The following ABCD2 variants were observed in gnomAD, a reference collection of about 807,000 sequenced individuals.
The protein encoded by ABCD2 is ATP binding cassette subfamily D member 2, also known as ATP-binding cassette sub-family D member 2.
ABCD2 carries 36 observed loss-of-function variants against 70.9 expected under a neutral mutation model. The observed-to-expected ratio is 0.51, with a 90% CI of 0.39 to 0.67. The LOEUF (loss-of-function observed/expected upper bound fraction) is 0.67. Among genes scored for constraint, ABCD2 ranks in the 30% least tolerant of loss-of-function variants. The pLI is 0.00. For synonymous variants in ABCD2, 304 were observed against 306.9 expected (o/e 0.99, Z 0.10); for missense variants, 729 against 890.2 (o/e 0.82, Z 2.30).
intron 2 of ABCD2, among the ~76,000 whole-genome samples, chr12:39,611,303 G>T (rs1305837626): frequency 6.6e-6 from 1 of 152,090 alleles, no homozygotes; most frequent in Non-Finnish European, 1.5e-5. Flanking sequence ...CAAGATATAA[G>T]GCATAGGGGA....
At chr12:39,600,806 C>T (rs187516840) in intron 5 of ABCD2, 90 bp from the exon 6 acceptor site, 865 of 1,211,492 alleles carry the variant, frequency 7.1e-4, no homozygotes, top group Admixed American at 2.5e-3. Context: ...TTAAAATGTT[C>T]GAAAACATGA....
At chr12:39,566,858 A>G (rs1941357742) in intron 9 of ABCD2, among the ~76,000 whole-genome samples, 3 of 152,150 alleles carry the variant, frequency 2.0e-5, no homozygotes, top group Admixed American at 2.0e-4. Flanking sequence ...TTCAAAGAAT[A>G]TCTTTATTTC....
At position 39,563,733 on chromosome 12, in the gene ABCD2, A is replaced by G. The variant is rs142862799; in HGVS notation, c.2004-9602T>C. Among the ~76,000 whole-genome samples the G allele has an allele frequency of 4.8e-4, 73 of 152,210 alleles. No homozygotes were observed. The East Asian group carries it at 9.6e-3, about 20-fold the overall frequency. On this transcript the variant is annotated intron_variant, in intron 9 of 9. Transcript: ENST00000308666. ...GTTGGTGTGCTGCACCCATTAACTCATCATTTAACATTAGTTATATCTCCT... is the reference window on the plus strand; with the variant it reads ...GTTGGTGTGCTGCACCCATTAACTCGTCATTTAACATTAGTTATATCTCCT...
rs143902963 is a variant in ABCD2, at chr12:39,576,331, T to C, written c.1878-2490A>G. Among the ~76,000 whole-genome samples the C allele has an allele frequency of 3.3e-3, 507 of 152,256 alleles. 2 individuals carry two copies. Among genetic ancestry groups the C allele is most frequent in the African/African-American group, 0.011 (468 of 41,556 alleles). Reference sequence around the variant, plus strand: ...CCCGCCACCATGCCTGGCTAATTTTTTTTAATTTTTGTAGAGACGGGGTTT... The same window carrying C: ...CCCGCCACCATGCCTGGCTAATTTTCTTTAATTTTTGTAGAGACGGGGTTT... On this transcript the variant is annotated intron_variant, in intron 8 of 9. Coordinates refer to ENST00000308666, the MANE Select transcript of ABCD2 (RefSeq NM_005164.4).
intron 9 of ABCD2, among the ~76,000 whole-genome samples, chr12:39,568,907 G>A (rs1017046680): frequency 6.6e-6 from 1 of 152,192 alleles, no homozygotes; most frequent in African/African-American, 2.4e-5. Context: ...GACCCTGTTT[G>A]TCTGGGTATC....
intron 9 of ABCD2, among the ~76,000 whole-genome samples, chr12:39,561,086 G>A (rs573723655): frequency 4.5e-4 from 68 of 152,158 alleles, no homozygotes; most frequent in African/African-American, 1.6e-3. Context: ...AATGGATTAA[G>A]TTCTCCAATT....
downstream of ABCD2, among the ~76,000 whole-genome samples, chr12:39,549,578 C>T (rs981591255): frequency 1.3e-5 from 2 of 151,764 alleles, no homozygotes; most frequent in South Asian, 4.1e-4. Context: ...CATAGGACCA[C>T]ACCCATAATT....
the ABCD2 span, among the ~76,000 whole-genome samples, chr12:39,534,936 G>T: frequency 6.0e-4 from 68 of 113,558 alleles, 1 homozygote; most frequent in Admixed American, 2.1e-3. Context: ...AAGAAAGAAA[G>T]AAAGAAAGAA....
At chr12:39,561,965 A>G (rs1283188641) in intron 9 of ABCD2, among the ~76,000 whole-genome samples, 1 of 152,206 alleles carries the variant, frequency 6.6e-6, no homozygotes, top group East Asian at 1.9e-4. Context: ...CAAAAATTTA[A>G]GAAGATTGAA....
chr12:39,538,178 T>G, the ABCD2 span, among the ~76,000 whole-genome samples: 2 of 149,736 alleles, frequency 1.3e-5, no homozygotes, highest in Non-Finnish European at 3.0e-5. Context: ...TTTCTTTTTT[T>G]TTTTTTTTTG....
At chr12:39,572,339 C>G (rs1258478218) in intron 9 of ABCD2, among the ~76,000 whole-genome samples, 1 of 152,174 alleles carries the variant, frequency 6.6e-6, no homozygotes, top group East Asian at 1.9e-4. Context: ...ACTGGCCTAG[C>G]TCTGTGTTGT....
intron 2 of ABCD2, among the ~76,000 whole-genome samples, chr12:39,611,001 T>C (rs1017163729): frequency 6.6e-6 from 1 of 152,192 alleles, no homozygotes; most frequent in Non-Finnish European, 1.5e-5. Context: ...ATTTTAGCTA[T>C]TTTGTCAAAA....
downstream of ABCD2, among the ~76,000 whole-genome samples, chr12:39,546,847 T>A (rs990071182): frequency 6.6e-6 from 1 of 150,556 alleles, no homozygotes; most frequent in African/African-American, 2.4e-5. Flanking sequence ...ATAAAATGAG[T>A]AAGAGGAAAA....
chr12:39,572,644 T>A (rs2120590337), intron 9 of ABCD2, among the ~76,000 whole-genome samples: 1 of 152,304 alleles, frequency 6.6e-6, no homozygotes, highest in East Asian at 1.9e-4. Context: ...ATGTAAACAT[T>A]CTTTATAAGG....
chr12:39,546,711 A>C (rs1292903907), downstream of ABCD2, among the ~76,000 whole-genome samples: 2 of 152,136 alleles, frequency 1.3e-5, no homozygotes, highest in Non-Finnish European at 2.9e-5. Flanking sequence ...TAAGATTTGA[A>C]ATAAAGTCCT....
chr12:39,533,965 G>A, the ABCD2 span, among the ~76,000 whole-genome samples: 8 of 152,174 alleles, frequency 5.3e-5, no homozygotes, highest in East Asian at 1.9e-4. Context: ...ATAAAAAATT[G>A]GTGCATGTGA....
At chr12:39,565,447 T>C (rs1941330132) in intron 9 of ABCD2, among the ~76,000 whole-genome samples, 1 of 152,192 alleles carries the variant, frequency 6.6e-6, no homozygotes, top group African/African-American at 2.4e-5. Context: ...TATTGGTGTA[T>C]AAGAATGCTT....
downstream of ABCD2, among the ~76,000 whole-genome samples, chr12:39,545,933 T>G (rs1941021624): frequency 6.6e-6 from 1 of 152,146 alleles, no homozygotes; most frequent in African/African-American, 2.4e-5. Flanking sequence ...AACATGGAGC[T>G]AGATAGTCCA....
the ABCD2 span, among the ~76,000 whole-genome samples, chr12:39,537,118 G>T: frequency 1.3e-5 from 2 of 151,876 alleles, no homozygotes; most frequent in Admixed American, 1.3e-4. Context: ...ACTCTTAGGA[G>T]ATTGTCCAAA....
Sources: gnomAD v4.1 joint callset for allele counts (sites outside exome capture counted in the v4.1 genomes callset) on GRCh38, gnomAD v4.1.1 for gene constraint, MANE v1.5 for transcripts, NCBI Gene and HGNC (gene_info 2026-07-23, HGNC 2026-07-21) for gene names.